Variants in GRIK2 observed in about 807,000 individuals in gnomAD.
The protein encoded by GRIK2 is glutamate receptor ionotropic, kainate 2.
GRIK2 carries 32 observed loss-of-function variants against 100.3 expected under a neutral mutation model. The ratio of observed to expected loss-of-function variants is 0.32; its 90% CI spans 0.24 to 0.43. The LOEUF (loss-of-function observed/expected upper bound fraction) is 0.43. Among genes scored for constraint, GRIK2 ranks in the 20% least tolerant of loss-of-function variants. The probability of loss-of-function intolerance (pLI) is 1.00; values close to 1 mark genes in which losing one functional copy is unlikely to be tolerated. For synonymous variants in GRIK2, 417 were observed against 389.4 expected (o/e 1.07, Z -0.83); for missense variants, 843 against 1,114.9 (o/e 0.76, Z 3.47).
chr6:101,409,102 TTGTGTA>T (rs1425270054), intron 2 of GRIK2, among the ~76,000 whole-genome samples: 17 of 133,658 alleles, frequency 1.3e-4, no homozygotes, highest in African/African-American at 4.1e-4. Flanking sequence ...ACCTGAAACA[TTGTGTA>T]TGTGTGTGTG....
chr6:101,859,066 A>G (rs939349664), intron 10 of GRIK2, among the ~76,000 whole-genome samples: 9 of 152,022 alleles, frequency 5.9e-5, no homozygotes, highest in African/African-American at 2.2e-4. Flanking sequence ...TCATGGTGGG[A>G]TTACAATAGT....
chr6:101,403,367 CT>C (rs1775427828), intron 2 of GRIK2, among the ~76,000 whole-genome samples: 1 of 152,184 alleles, frequency 6.6e-6, no homozygotes, highest in South Asian at 2.1e-4. Flanking sequence ...TGGAACTGCT[CT>C]CTTAAAGGTT....
intron 3 of GRIK2, among the ~76,000 whole-genome samples, chr6:101,622,639 A>G (rs1480316944): frequency 6.6e-6 from 1 of 152,028 alleles, no homozygotes; most frequent in Non-Finnish European, 1.5e-5. Flanking sequence ...ACCATCTAAT[A>G]TTTCTTTTTG....
chr6:101,518,923 C>A (rs1774727657), intron 2 of GRIK2, among the ~76,000 whole-genome samples: 1 of 152,144 alleles, frequency 6.6e-6, no homozygotes, highest in Admixed American at 6.6e-5. Flanking sequence ...GATTTTTAAA[C>A]AAGTGTTACA....
chr6:101,514,572 T>G (rs1393338524), intron 2 of GRIK2, among the ~76,000 whole-genome samples: 1 of 152,146 alleles, frequency 6.6e-6, no homozygotes. Flanking sequence ...TATCATATAT[T>G]TCCTTATTTA....
At chr6:101,421,879 T>G (rs1776430072) in intron 2 of GRIK2, among the ~76,000 whole-genome samples, 2 of 152,222 alleles carry the variant, frequency 1.3e-5, no homozygotes, top group Admixed American at 1.3e-4. Context: ...CTTCCATTGG[T>G]AACATGTTAG....
At chr6:101,797,805 AC>A (rs1048193664) in intron 7 of GRIK2, among the ~76,000 whole-genome samples, 7 of 147,382 alleles carry the variant, frequency 4.7e-5, no homozygotes, top group Non-Finnish European at 3.0e-5. Context: ...AATATATGAA[AC>A]CATTATATAT....
chr6:101,563,732 T>G (rs1777129664), intron 2 of GRIK2, among the ~76,000 whole-genome samples: 1 of 152,170 alleles, frequency 6.6e-6, no homozygotes, highest in African/African-American at 2.4e-5. Flanking sequence ...ATCTAATATT[T>G]GTATGATGTT....
Position 101,836,664 on chromosome 6 carries a change from T to A in GRIK2, c.1317+18181T>A, listed in dbSNP as rs1398900900. Among the ~76,000 whole-genome samples the A allele has an allele frequency of 3.8e-3, 304 of 80,192 alleles. No individual in the cohort carries two copies. In the East Asian group the frequency reaches 0.044, roughly 11 times the overall value. 52.6% of individuals were successfully genotyped at this position (80,192 alleles called of 152,430 possible). Reference sequence around the variant, plus strand: ...ATGTGTATATATATATATATATATTTTTTTTTTTTTTTTTTTTTTGAGACA... The same window carrying A: ...ATGTGTATATATATATATATATATTATTTTTTTTTTTTTTTTTTTGAGACA... On this transcript the variant is annotated intron_variant, in intron 10 of 16. Coordinates refer to ENST00000369134, the MANE Select transcript of GRIK2 (RefSeq NM_021956.5).
chr6:102,021,872 G>A (rs1197984054), intron 14 of GRIK2, among the ~76,000 whole-genome samples: 4 of 150,566 alleles, frequency 2.7e-5, no homozygotes, highest in Non-Finnish European at 5.9e-5. Context: ...TTTTGTGAGC[G>A]GGTGTCACTT....
At chr6:102,038,248 T>TTAAAG (rs1322700030) in intron 15 of GRIK2, among the ~76,000 whole-genome samples, 1 of 151,428 alleles carries the variant, frequency 6.6e-6, no homozygotes, top group Non-Finnish European at 1.5e-5. Context: ...AGGCACACTC[T>TTAAAG]TAAAGTAGTT....
chr6:101,747,029 T>G (rs1776461454), intron 7 of GRIK2, among the ~76,000 whole-genome samples: 1 of 152,238 alleles, frequency 6.6e-6, no homozygotes, highest in Admixed American at 6.5e-5. Flanking sequence ...TGTTTAAATC[T>G]TCTGAATTAG....
chr6:101,526,170 T>G (rs2128283133), intron 2 of GRIK2, among the ~76,000 whole-genome samples: 1 of 152,306 alleles, frequency 6.6e-6, no homozygotes, highest in African/African-American at 2.4e-5. Context: ...CACCCTTGAC[T>G]TCAATTCAGA....
At chr6:101,497,798 T>C (rs994242378) in intron 2 of GRIK2, among the ~76,000 whole-genome samples, 2 of 152,108 alleles carry the variant, frequency 1.3e-5, no homozygotes, top group Non-Finnish European at 2.9e-5. Context: ...ATGGCTAAAA[T>C]GTTTTAAATA....
At chr6:101,988,096 T>C (rs6921637) in intron 14 of GRIK2, among the ~76,000 whole-genome samples, 8 of 8,100 alleles carry the variant, frequency 9.9e-4, no homozygotes, top group African/African-American at 4.4e-3. Flanking sequence ...TTATAGTGTG[T>C]GTGTGTGTGT....
intron 14 of GRIK2, among the ~76,000 whole-genome samples, chr6:101,991,873 A>G (rs971911476): frequency 6.6e-5 from 10 of 151,472 alleles, no homozygotes; most frequent in Non-Finnish European, 1.2e-4. Context: ...GGAATAAGAA[A>G]TGCCAAGTTA....
chr6:101,936,322 G>T (rs1413194807), intron 14 of GRIK2, among the ~76,000 whole-genome samples: 1 of 151,934 alleles, frequency 6.6e-6, no homozygotes, highest in East Asian at 1.9e-4. Context: ...TATTAATGGT[G>T]TTGAAATATC....
rs541169462 is a variant in GRIK2, at chr6:101,425,128, A to G, written c.115+25736A>G. On this transcript the variant is annotated intron_variant, in intron 2 of 16. Transcript: ENST00000369134. ...GTGAATAGTGCCGCAGTAAACATAC[A>G]TGTGCATGTGTCTTTATAGCAGCAT... Among the ~76,000 whole-genome samples the G allele has an allele frequency of 2.3e-4, 35 of 152,256 alleles. No homozygotes were observed. In the South Asian group the frequency reaches 6.8e-3, roughly 30 times the overall value.
At chr6:102,017,661 GTA>G (rs1218356290) in intron 14 of GRIK2, among the ~76,000 whole-genome samples, 16 of 151,902 alleles carry the variant, frequency 1.1e-4, no homozygotes, top group Admixed American at 3.9e-4. Flanking sequence ...CTTATTCTGT[GTA>G]TATTATATAT....
Sources: allele counts gnomAD v4.1 joint callset (sites outside exome capture counted in the v4.1 genomes callset), GRCh38; gene constraint gnomAD v4.1.1; transcripts MANE v1.5; gene names NCBI Gene and HGNC (gene_info 2026-07-23, HGNC 2026-07-21).